DYM: variants seen among roughly 807,000 people sequenced by gnomAD.
The protein encoded by DYM is dymeclin.
In DYM, 78 loss-of-function variants were observed where a neutral mutation model predicts 93.1. That is an observed-to-expected ratio of 0.84 (90% confidence interval 0.70 to 1.01). The LOEUF (loss-of-function observed/expected upper bound fraction) is 1.01. DYM is among the 50% of genes least tolerant of loss of function. The pLI is 0.00. For missense variants in DYM, 789 were observed against 845.0 expected (o/e 0.93, Z 0.82); for synonymous variants, 321 against 319.7 (o/e 1.00, Z -0.04).
intron 2 of DYM, among the ~76,000 whole-genome samples, chr18:49,397,620 C>T (rs1451004084): frequency 6.6e-6 from 1 of 152,164 alleles, no homozygotes; most frequent in Admixed American, 6.5e-5. Flanking sequence ...TGGTGAAGTG[C>T]ACTTTTTAAA....
intron 15 of DYM, among the ~76,000 whole-genome samples, chr18:49,144,589 T>C (rs966443322): frequency 2.0e-5 from 3 of 152,214 alleles, no homozygotes; most frequent in African/African-American, 7.2e-5. Flanking sequence ...TTAGTAGAAA[T>C]CTGGTTGTTA....
intron 9 of DYM, among the ~76,000 whole-genome samples, chr18:49,284,369 T>G (rs2095068203): frequency 6.6e-6 from 1 of 152,216 alleles, no homozygotes. Context: ...CCCTGATGGA[T>G]ATGAATACCC....
intron 15 of DYM, among the ~76,000 whole-genome samples, chr18:49,123,073 T>C (rs764814957): frequency 1.3e-5 from 2 of 152,368 alleles, no homozygotes; most frequent in Admixed American, 6.5e-5. Context: ...TATTCTTTTT[T>C]ATGAATATTG....
Position 49,195,846 on chromosome 18 carries a change from T to C in DYM, c.1625+13705A>G, listed in dbSNP as rs1285404198. 3.3e-5 allele frequency among the ~76,000 whole-genome samples: 5 copies of C among 151,418 alleles called. 1 individual carries two copies. Among genetic ancestry groups the C allele is most frequent in the African/African-American group, 4.9e-5 (2 of 41,188 alleles). On this transcript the variant is annotated intron_variant, in intron 14 of 17. Transcript: ENST00000675505. ...GTCAGGTAGTTTTACTGTACGTGGG[T>C]AGAAACTAAAACCAGAGAACTACAA... is the stretch of plus-strand genomic sequence containing the variant.
chr18:49,448,266 T>G (rs1288168851), intron 1 of DYM, among the ~76,000 whole-genome samples: 1 of 152,158 alleles, frequency 6.6e-6, no homozygotes, highest in Admixed American at 6.5e-5. Context: ...CCACCTATTC[T>G]GCCTTCAATT....
chr18:49,456,590 T>C (rs1423587120), intron 1 of DYM, among the ~76,000 whole-genome samples: 1 of 152,206 alleles, frequency 6.6e-6, no homozygotes, highest in Admixed American at 6.5e-5. Flanking sequence ...GCCACTTTCA[T>C]TGCCTGCATT....
chr18:49,273,105 A>G (rs775445469), intron 10 of DYM, among the ~76,000 whole-genome samples: 1 of 152,164 alleles, frequency 6.6e-6, no homozygotes, highest in Non-Finnish European at 1.5e-5. Flanking sequence ...GCTGGTATGC[A>G]AAGCCCACCA....
At chr18:49,132,672 AC>A (rs1391652011) in intron 15 of DYM, among the ~76,000 whole-genome samples, 1 of 152,166 alleles carries the variant, frequency 6.6e-6, no homozygotes. Context: ...AAAAATAAAA[AC>A]AAAAACCGTC....
intron 17 of DYM, among the ~76,000 whole-genome samples, chr18:49,069,360 G>A (rs2076708186): frequency 6.6e-6 from 1 of 152,156 alleles, no homozygotes; most frequent in Admixed American, 6.5e-5. Context: ...CCTTCTTTGG[G>A]CTTAGGTCAC....
intron 13 of DYM, among the ~76,000 whole-genome samples, chr18:49,248,248 T>TG (rs1408839102): frequency 6.6e-6 from 1 of 152,210 alleles, no homozygotes; most frequent in Admixed American, 6.5e-5. Flanking sequence ...GAAAAATATT[T>TG]GGGGAATATA....
intron 10 of DYM, among the ~76,000 whole-genome samples, chr18:49,280,622 G>A (rs2094946852): frequency 6.6e-6 from 1 of 152,182 alleles, no homozygotes; most frequent in South Asian, 2.1e-4. Flanking sequence ...GCCAGCCAGG[G>A]ACGCTGCGGT....
At chr18:49,119,983 G>C (rs149339983) in intron 15 of DYM, among the ~76,000 whole-genome samples, 50 of 151,776 alleles carry the variant, frequency 3.3e-4, no homozygotes, top group Middle Eastern at 3.4e-3. Context: ...GGAGGCTGAG[G>C]GGGGAGGATG....
intron 10 of DYM, among the ~76,000 whole-genome samples, chr18:49,276,652 T>A (rs187504052): frequency 2.0e-4 from 31 of 152,212 alleles, no homozygotes; most frequent in Non-Finnish European, 2.9e-4. Flanking sequence ...AAGAACATAA[T>A]GGCAAAGAGA....
chr18:49,317,646 C>CTCCTCTCCTTCCTTCCTTCCT (rs750848541), intron 8 of DYM, among the ~76,000 whole-genome samples: 2 of 36,564 alleles, frequency 5.5e-5, no homozygotes, highest in Non-Finnish European at 1.0e-4. Context: ...ATCCTCTCCT[C>CTCCTCTCCTTCCTTCCTTCCT]TCCTTCCTTC....
chr18:49,410,980 G>A (rs2072177789), intron 2 of DYM, among the ~76,000 whole-genome samples: 1 of 151,982 alleles, frequency 6.6e-6, no homozygotes, highest in Admixed American at 6.6e-5. Flanking sequence ...TTTTGTACAG[G>A]CCTATATACA....
At chr18:49,210,287 G>T (rs2092719256) in intron 13 of DYM, among the ~76,000 whole-genome samples, 1 of 152,156 alleles carries the variant, frequency 6.6e-6, no homozygotes, top group African/African-American at 2.4e-5. Context: ...ATTCATAACT[G>T]CCCAAACTTG....
intron 15 of DYM, among the ~76,000 whole-genome samples, chr18:49,139,606 A>C (rs548065640): frequency 6.6e-6 from 1 of 152,334 alleles, no homozygotes; most frequent in East Asian, 1.9e-4. Flanking sequence ...TCATGCTTCA[A>C]ATTTACGATA....
chr18:49,197,680 G>A (rs112093690), intron 14 of DYM, among the ~76,000 whole-genome samples: 5,345 of 152,216 alleles, frequency 0.035, 153 homozygotes, highest in Non-Finnish European at 0.045. Flanking sequence ...CAAGGGACGT[G>A]AAGGACCTCT....
At chr18:49,436,113 A>G (rs1216315952) in intron 1 of DYM, among the ~76,000 whole-genome samples, 1 of 152,180 alleles carries the variant, frequency 6.6e-6, no homozygotes, top group African/African-American at 2.4e-5. Flanking sequence ...CCTGAATTCA[A>G]GCAATCCTTC....
Sources: gnomAD v4.1 joint callset for allele counts (sites outside exome capture counted in the v4.1 genomes callset) on GRCh38, gnomAD v4.1.1 for gene constraint, MANE v1.5 for transcripts, NCBI Gene and HGNC (gene_info 2026-07-23, HGNC 2026-07-21) for gene names.